Variants in PCDH15 observed in about 807,000 individuals in gnomAD.
PCDH15 encodes the protein protocadherin related 15.
In PCDH15, 129 loss-of-function variants were observed where a neutral mutation model predicts 178.5. The observed-to-expected ratio is 0.72, with a 90% CI of 0.63 to 0.84. The LOEUF is 0.84. Among genes scored for constraint, PCDH15 ranks in the 40% least tolerant of loss-of-function variants. PCDH15 has a pLI of 0.00. For synonymous variants in PCDH15, 800 were observed against 732.0 expected (o/e 1.09, Z -1.50); for missense variants, 2,230 against 2,099.9 (o/e 1.06, Z -1.21).
At position 54,974,477 on chromosome 10, in the gene PCDH15, C is replaced by T. The variant is rs144057352; in HGVS notation, c.-79-76977G>A. 4.3e-3 allele frequency among the ~76,000 whole-genome samples: 655 copies of T among 151,264 alleles called. 5 individuals are homozygous for T. The highest frequency in any genetic ancestry group is 0.015 in the African/African-American group (625 of 41,274). The stretch of plus-strand genomic sequence containing the variant: ...AAATAATTCATGTAATATACATGAA[C>T]GTGTGTGTATATATGTATATAATAG... On this transcript the variant is annotated intron_variant, in intron 2 of 5. Coordinates refer to the PCDH15 transcript ENST00000458638.
At chr10:55,556,748 G>A (rs1201675044) in intron 2 of PCDH15, among the ~76,000 whole-genome samples, 2 of 152,158 alleles carry the variant, frequency 1.3e-5, no homozygotes, top group Non-Finnish European at 2.9e-5. Flanking sequence ...GGCTGAGGCA[G>A]GAGAATCGCT....
chr10:55,207,296 T>C (rs1299562572), intron 1 of PCDH15, among the ~76,000 whole-genome samples: 1 of 152,046 alleles, frequency 6.6e-6, no homozygotes, highest in East Asian at 1.9e-4. Flanking sequence ...TTTAGTAGTA[T>C]GGTTTTACAT....
chr10:54,909,338 C>A (rs1481285221), intron 2 of PCDH15, among the ~76,000 whole-genome samples: 1 of 152,098 alleles, frequency 6.6e-6, no homozygotes, highest in Admixed American at 6.5e-5. Flanking sequence ...CCAAGGGGTG[C>A]CTGCAGGCCA....
chr10:54,315,933 T>C (rs753988979), intron 8 of PCDH15, among the ~76,000 whole-genome samples: 1 of 47,138 alleles, frequency 2.1e-5, no homozygotes, highest in Non-Finnish European at 6.3e-5. Context: ...GTTTGTGTGT[T>C]TTTTTTGTTT....
chr10:54,088,952 T>C (rs2094556638), intron 16 of PCDH15, among the ~76,000 whole-genome samples: 1 of 152,216 alleles, frequency 6.6e-6, no homozygotes, highest in Non-Finnish European at 1.5e-5. Context: ...TTATTTTCTT[T>C]AATGATGATT....
At chr10:54,842,964 A>G (rs750964932) in intron 3 of PCDH15, among the ~76,000 whole-genome samples, 12 of 151,968 alleles carry the variant, frequency 7.9e-5, no homozygotes, top group Non-Finnish European at 1.8e-4. Context: ...TAATGTAATG[A>G]AAACTGACTA....
rs1476687137 is a variant in PCDH15, at chr10:53,982,094, G to A, written c.2868+13555C>T. Among the ~76,000 whole-genome samples, 14 of 152,082 alleles carry A rather than the reference G, an allele frequency of 9.2e-5. No homozygotes were observed. In the East Asian group the frequency reaches 2.7e-3, roughly 29 times the overall value. On this transcript the variant is annotated intron_variant, in intron 21 of 37. Transcript: ENST00000644397. ...ATGCTCATCATCACTGGCCATCAGA[G>A]AAATGCAAATCAAAACCACAATGAG...
At chr10:55,233,588 G>A (rs924324100) in intron 1 of PCDH15, among the ~76,000 whole-genome samples, 1 of 151,796 alleles carries the variant, frequency 6.6e-6, no homozygotes, top group Non-Finnish European at 1.5e-5. Flanking sequence ...TCAAATATTT[G>A]AGTAAACTTT....
chr10:54,526,659 T>A (rs2083391422), intron 3 of PCDH15, among the ~76,000 whole-genome samples: 1 of 152,342 alleles, frequency 6.6e-6, no homozygotes, highest in Non-Finnish European at 1.5e-5. Flanking sequence ...TTTAAAAACA[T>A]AATCAAAATG....
intron 2 of PCDH15, among the ~76,000 whole-genome samples, chr10:55,502,899 G>T (rs1840686211): frequency 6.6e-6 from 1 of 151,530 alleles, no homozygotes; most frequent in Non-Finnish European, 1.5e-5. Flanking sequence ...TTCTCAGTAG[G>T]TTAATTTTTA....
At chr10:54,687,491 C>T (rs2095034625) in intron 1 of PCDH15, among the ~76,000 whole-genome samples, 1 of 151,980 alleles carries the variant, frequency 6.6e-6, no homozygotes, top group Admixed American at 6.6e-5. Flanking sequence ...CTCCTTTGAC[C>T]AAAACTTTAT....
At chr10:54,409,269 T>C (rs1953135515) in intron 3 of PCDH15, among the ~76,000 whole-genome samples, 1 of 152,160 alleles carries the variant, frequency 6.6e-6, no homozygotes. Context: ...AAATATACTA[T>C]AGCAGATCAG....
At chr10:55,387,326 C>T (rs1837687227) in intron 2 of PCDH15, among the ~76,000 whole-genome samples, 1 of 152,064 alleles carries the variant, frequency 6.6e-6, no homozygotes, top group Non-Finnish European at 1.5e-5. Context: ...CAGAATTATG[C>T]TAAATATGGC....
At chr10:54,311,789 G>A (rs1289118807) in intron 8 of PCDH15, among the ~76,000 whole-genome samples, 4 of 151,958 alleles carry the variant, frequency 2.6e-5, no homozygotes, top group South Asian at 2.1e-4. Context: ...AGAAAACCGT[G>A]TAATCTACAT....
chr10:53,934,345 T>A (rs1232748707), intron 25 of PCDH15, among the ~76,000 whole-genome samples: 1 of 152,088 alleles, frequency 6.6e-6, no homozygotes. Flanking sequence ...ACCACAAGAC[T>A]GTGCAAGCTA....
chr10:55,410,637 G>A (rs968063839), intron 2 of PCDH15, among the ~76,000 whole-genome samples: 5 of 152,078 alleles, frequency 3.3e-5, no homozygotes, highest in African/African-American at 7.2e-5. Flanking sequence ...AACATTTCCC[G>A]GAGCAGAGAG....
chr10:54,912,793 A>T (rs1040510379), intron 2 of PCDH15, among the ~76,000 whole-genome samples: 13 of 152,152 alleles, frequency 8.5e-5, no homozygotes, highest in Non-Finnish European at 4.4e-5. Flanking sequence ...CTTCCTAGAG[A>T]ATTGTTAAAT....
chr10:54,811,696 C>G (rs1952866293), intron 3 of PCDH15, among the ~76,000 whole-genome samples: 1 of 152,130 alleles, frequency 6.6e-6, no homozygotes, highest in Non-Finnish European at 1.5e-5. Context: ...GTCTCGATCT[C>G]CTGACCTTGT....
intron 2 of PCDH15, among the ~76,000 whole-genome samples, chr10:54,911,595 G>T (rs1332207630): frequency 6.6e-6 from 1 of 152,164 alleles, no homozygotes; most frequent in African/African-American, 2.4e-5. Flanking sequence ...GTTAGGCATT[G>T]ATATGATTTG....
Sources: allele counts gnomAD v4.1 joint callset (sites outside exome capture counted in the v4.1 genomes callset), GRCh38; gene constraint gnomAD v4.1.1; transcripts MANE v1.5; gene names NCBI Gene and HGNC (gene_info 2026-07-23, HGNC 2026-07-21).